PAH: variants seen among roughly 807,000 people sequenced by gnomAD.
PAH encodes phenylalanine-4-hydroxylase.
A neutral mutation model predicts 62.0 loss-of-function variants in PAH; 64 were observed. The ratio of observed to expected loss-of-function variants is 1.03; its 90% CI spans 0.84 to 1.27. The LOEUF (loss-of-function observed/expected upper bound fraction) is 1.27, where lower values mean the gene tolerates loss of function less well. Among genes scored for constraint, PAH ranks in the 50% most tolerant of loss-of-function variants. The probability of loss-of-function intolerance (pLI) is 0.00; values close to 1 mark genes in which losing one functional copy is unlikely to be tolerated. For missense variants in PAH, 579 were observed against 542.8 expected (o/e 1.07, Z -0.66); for synonymous variants, 195 against 196.2 (o/e 0.99, Z 0.05).
At chr12:102,894,500 T>G (rs1877412508) in intron 3 of PAH, among the ~76,000 whole-genome samples, 1 of 151,624 alleles carries the variant, frequency 6.6e-6, no homozygotes, top group Admixed American at 6.6e-5. Flanking sequence ...ACTATATGTC[T>G]AAAATATACC....
At chr12:102,956,896 A>G (rs1442868119) in intron 1 of PAH, among the ~76,000 whole-genome samples, 2 of 152,068 alleles carry the variant, frequency 1.3e-5, no homozygotes, top group Non-Finnish European at 2.9e-5. Context: ...TTAGAGCTGA[A>G]TGGGACATTA....
chr12:102,918,220 CTG>C (rs1266522944), upstream of PAH, among the ~76,000 whole-genome samples: 6 of 152,246 alleles, frequency 3.9e-5, no homozygotes, highest in African/African-American at 1.4e-4. Context: ...TTAGAGAAGA[CTG>C]AGGGTGAGGC....
At chr12:102,857,592 C>A (rs1293316171) in intron 5 of PAH, among the ~76,000 whole-genome samples, 1 of 152,208 alleles carries the variant, frequency 6.6e-6, no homozygotes, top group Non-Finnish European at 1.5e-5. Context: ...AGGTTACCCA[C>A]AAAGGGAAGC....
chr12:102,949,757 G>A lies in PAH; in HGVS notation c.-96+832C>T, dbSNP rs1344686790. Reference sequence around the variant, plus strand: ...AGTCCACCACTTTTACCTAGATTGTGTATTTATTTGGGGTGGGAGATGCAG... The same window carrying A: ...AGTCCACCACTTTTACCTAGATTGTATATTTATTTGGGGTGGGAGATGCAG... On this transcript the variant is annotated intron_variant, in intron 1 of 3. Transcript: ENST00000546844. Among the ~76,000 whole-genome samples, 3 of 152,154 alleles carry A rather than the reference G, an allele frequency of 2.0e-5. No individual in the cohort carries two copies. The East Asian group carries it at 5.8e-4, about 29-fold the overall frequency.
chr12:102,859,366 T>C (rs2136654731), intron 5 of PAH, among the ~76,000 whole-genome samples: 1 of 152,266 alleles, frequency 6.6e-6, no homozygotes, highest in African/African-American at 2.4e-5. Context: ...CAGGACCAGA[T>C]GGATTCATAG....
intron 2 of PAH, among the ~76,000 whole-genome samples, chr12:102,895,869 A>ATAAATATATATATATATATAT (rs1555208129): frequency 3.4e-5 from 4 of 118,744 alleles, no homozygotes; most frequent in African/African-American, 1.1e-4. Context: ...AAAAAAAAAA[A>ATAAATATATATATATATATAT]ATATATATAT....
At chr12:102,852,274 CT>C in intron 7 of PAH, 1 of 195,598 alleles carries the variant, frequency 5.1e-6, no homozygotes, top group Admixed American at 5.3e-5. Context: ...TGGAACAGGT[CT>C]TTTTGGATTT....
rs1874401500 is a variant in PAH, at chr12:102,837,240, C to CTTT, written c.*1932_*1934dup. 6.6e-6 allele frequency: 1 copy of CTTT among 152,176 alleles called. No individual in the cohort carries two copies. The highest frequency in any genetic ancestry group is 1.5e-5 in the Non-Finnish European group (1 of 68,034). The allele number at this position is 152,176 out of a possible 1,614,324, so 9.4% of individuals were successfully genotyped here. On this transcript the variant is annotated 3_prime_UTR_variant, in exon 13 of 13. Coordinates refer to ENST00000553106, the MANE Select transcript of PAH (RefSeq NM_000277.3). ...ACATTACCAAAAATACAAATATTAT[C>CTTT]TTTCATTCAGTATGTAACTTCCTGT...
At chr12:102,946,394 T>G (rs935842455) in intron 1 of PAH, among the ~76,000 whole-genome samples, 8 of 152,244 alleles carry the variant, frequency 5.3e-5, no homozygotes, top group African/African-American at 1.9e-4. Context: ...ACCCAAGAGC[T>G]GTTTAGCCCA....
intron 1 of PAH, chr12:102,913,781 T>C (rs1878288648): frequency 2.9e-6 from 2 of 700,222 alleles, no homozygotes; most frequent in South Asian, 3.0e-5. Context: ...TCTCAAAGAA[T>C]GTCCAGGATC....
chr12:102,897,492 T>TATATATATATATATATATATAA (rs1379613102), intron 2 of PAH, among the ~76,000 whole-genome samples: 46 of 137,406 alleles, frequency 3.3e-4, no homozygotes, highest in African/African-American at 1.4e-3. Flanking sequence ...TATATATATA[T>TATATATATATATATATATATAA]AATTCAAACT....
At chr12:102,935,831 A>G (rs759253406) in intron 1 of PAH, among the ~76,000 whole-genome samples, 4 of 151,828 alleles carry the variant, frequency 2.6e-5, no homozygotes, top group Non-Finnish European at 2.9e-5. Context: ...TTACCTTTTC[A>G]AAAAACCAAC....
intron 3 of PAH, 25 bp from the exon 4 acceptor site, chr12:102,877,575 C>G: frequency 1.9e-6 from 3 of 1,564,410 alleles, no homozygotes; most frequent in Non-Finnish European, 2.6e-6. Context: ...AGGCAACGTC[C>G]TGAGTACAGA....
intron 1 of PAH, among the ~76,000 whole-genome samples, chr12:102,947,541 G>A (rs149814754): frequency 4.7e-4 from 72 of 152,262 alleles, no homozygotes; most frequent in South Asian, 6.2e-4. Flanking sequence ...CAAGGAACTT[G>A]ACACTGGGGA....
intron 5 of PAH, among the ~76,000 whole-genome samples, chr12:102,858,054 T>C (rs917913606): frequency 5.9e-5 from 9 of 152,106 alleles, no homozygotes; most frequent in South Asian, 2.1e-4. Flanking sequence ...AGTCAAGACG[T>C]ATCAGTGTGC....
At chr12:102,933,183 A>G (rs1410328944) in intron 1 of PAH, among the ~76,000 whole-genome samples, 1 of 152,124 alleles carries the variant, frequency 6.6e-6, no homozygotes, top group African/African-American at 2.4e-5. Context: ...CAAAAATTCA[A>G]TCTTTTTAAT....
At chr12:102,842,176 A>G (rs930974119) in intron 11 of PAH, among the ~76,000 whole-genome samples, 4 of 152,130 alleles carry the variant, frequency 2.6e-5, no homozygotes, top group Admixed American at 1.3e-4. Context: ...GGGCCCATCC[A>G]AATGTGATCT....
At chr12:102,932,273 T>TAA (rs1255985680) in intron 1 of PAH, among the ~76,000 whole-genome samples, 1 of 152,204 alleles carries the variant, frequency 6.6e-6, no homozygotes, top group African/African-American at 2.4e-5. Flanking sequence ...TTCTTATACT[T>TAA]ACAGCTTATG....
intron 1 of PAH, among the ~76,000 whole-genome samples, chr12:102,928,964 C>A (rs1357415080): frequency 6.6e-6 from 1 of 152,150 alleles, no homozygotes; most frequent in Non-Finnish European, 1.5e-5. Flanking sequence ...GTGCCACCAC[C>A]CAAATTGGGG....
Sources: gnomAD v4.1 joint callset for allele counts (sites outside exome capture counted in the v4.1 genomes callset) on GRCh38, gnomAD v4.1.1 for gene constraint, MANE v1.5 for transcripts, NCBI Gene and HGNC (gene_info 2026-07-23, HGNC 2026-07-21) for gene names.